The following PITRM1 variants were observed in gnomAD, a reference collection of about 807,000 sequenced individuals.
PITRM1 encodes presequence protease, mitochondrial.
Under a neutral mutation model 129.9 loss-of-function variants are expected in PITRM1, and 100 were observed. The ratio of observed to expected loss-of-function variants is 0.77; its 90% CI spans 0.65 to 0.91. PITRM1 has a LOEUF of 0.91. Ranked by LOEUF, PITRM1 falls within the 40% of genes least tolerant of loss-of-function variation. The probability of loss-of-function intolerance (pLI) is 0.00; values close to 1 mark genes in which losing one functional copy is unlikely to be tolerated. For missense variants in PITRM1, 1,471 were observed against 1,318.3 expected (o/e 1.12, Z -1.79); for synonymous variants, 591 against 508.8 (o/e 1.16, Z -2.17).
At chr10:3,155,364 C>T (rs937306640) in intron 14 of PITRM1, among the ~76,000 whole-genome samples, 1 of 152,224 alleles carries the variant, frequency 6.6e-6, no homozygotes, top group Admixed American at 6.5e-5. Flanking sequence ...AAAATAAATA[C>T]ATCTTTTCAA....
chr10:3,155,474 G>A (rs1027342561), intron 14 of PITRM1, 117 bp downstream of exon 14: 19 of 1,287,400 alleles, frequency 1.5e-5, no homozygotes, highest in Middle Eastern at 2.7e-4. Context: ...CTCTGTTGGC[G>A]CCCAGCGGAC....
intron 14 of PITRM1, 49 bp downstream of exon 14, chr10:3,155,542 G>A: frequency 6.2e-7 from 1 of 1,607,844 alleles, no homozygotes; most frequent in Non-Finnish European, 8.5e-7. Flanking sequence ...AAGTCCACTA[G>A]GCCCGAGTGC....
At chr10:3,155,443 AC>A in intron 14 of PITRM1, 147 bp downstream of exon 14, 1 of 893,268 alleles carries the variant, frequency 1.1e-6, no homozygotes, top group Non-Finnish European at 1.7e-6. Context: ...GAATATCTGA[AC>A]TCAATGCATC....
rs190673909 is a variant in PITRM1 at position 3,158,211 on chromosome 10, G to A, written c.1137-58C>T. 3.4e-4 allele frequency: 316 copies of A among 920,736 alleles called. No homozygotes were observed. In the East Asian group the frequency reaches 7.3e-3, roughly 21 times the overall value. The allele number at this position is 920,736 out of a possible 1,614,324, so 57.0% of individuals were successfully genotyped here. ...ATCCGGGCACGTTCATCATGCCCTC[G>A]TAATATGCTTGATTTAAAGATCAGA... On this transcript the variant is annotated intron_variant, in intron 10 of 26. Transcript: ENST00000224949.
chr10:3,160,283 ATT>A lies in PITRM1; in HGVS notation c.837_838del (p.Gln279HisfsTer13). On this transcript the variant is annotated frameshift_variant, in exon 8 of 27. Coordinates refer to ENST00000224949, the MANE Select transcript of PITRM1 (RefSeq NM_014889.4). LOFTEE classifies it high-confidence loss of function. The stretch of plus-strand genomic sequence containing the variant: ...GAATTTGCTCAGTGCTTCCTCGTGA[ATT>A]TGTTTCAGATGCTGTTCTAATGGAA... 6.2e-7 allele frequency: 1 copy of A among 1,613,480 alleles called. No homozygotes were observed. Among genetic ancestry groups the A allele is most frequent in the African/African-American group, 1.3e-5 (1 of 75,016 alleles).
At chr10:3,169,333 C>T (rs1008108562) in intron 2 of PITRM1, among the ~76,000 whole-genome samples, 2 of 152,180 alleles carry the variant, frequency 1.3e-5, no homozygotes, top group Admixed American at 6.5e-5. Flanking sequence ...AAGGCAGCCA[C>T]GTTCTCACAC....
At position 3,138,558 on chromosome 10, in the gene PITRM1, G is replaced by C. The variant is rs974805745; in HGVS notation, c.2918-221C>G. ...CGCCTGCTTCTGCAGCAGGGATGCAGTCAGCGCCGCGTGAGGCTGATGATG... is the reference window on the plus strand; with the variant it reads ...CGCCTGCTTCTGCAGCAGGGATGCACTCAGCGCCGCGTGAGGCTGATGATG... On this transcript the variant is annotated intron_variant, in intron 25 of 26. Coordinates refer to ENST00000224949, the MANE Select transcript of PITRM1 (RefSeq NM_014889.4). 7 of 608,678 alleles carry C rather than the reference G, an allele frequency of 1.2e-5. No individual in the cohort carries two copies. The African/African-American group carries it at 1.3e-4, about 11-fold the overall frequency. 37.7% of individuals were successfully genotyped at this position (608,678 alleles called of 1,614,324 possible).
chr10:3,156,997 GCTAA>G lies in PITRM1; in HGVS notation c.1411_1414del (p.Ala472AsnfsTer17). The G allele has an allele frequency of 6.2e-7, 1 of 1,610,590 alleles. No individual in the cohort carries two copies. The highest frequency in any genetic ancestry group is 8.5e-7 in the Non-Finnish European group (1 of 1,178,832). On this transcript the variant is annotated frameshift_variant, in exon 13 of 27. Transcript: ENST00000224949. LOFTEE classifies it high-confidence loss of function. ...TTCCTGCAGGCACTGTCTGAATTTA[GCTAA>G]CTGATTTCCCAACTTCAAGAGCTCC...
chr10:3,145,076 A>G (rs1840711093), intron 21 of PITRM1: 1 of 153,990 alleles, frequency 6.5e-6, no homozygotes, highest in Non-Finnish European at 1.4e-5. Context: ...CACATCCAGA[A>G]TTGAACCAGG....
intron 14 of PITRM1, among the ~76,000 whole-genome samples, chr10:3,153,927 T>C (rs1841746648): frequency 1.3e-5 from 2 of 152,182 alleles, no homozygotes; most frequent in African/African-American, 4.8e-5. Flanking sequence ...AGCAATAATA[T>C]TCACAATTTT....
chr10:3,156,062 A>G (rs550488657), intron 13 of PITRM1, among the ~76,000 whole-genome samples: 7 of 152,328 alleles, frequency 4.6e-5, no homozygotes, highest in African/African-American at 1.7e-4. Flanking sequence ...TTGCACTTTC[A>G]AGTACTACAG....
At chr10:3,143,162 CAAT>C (rs963536224) in intron 23 of PITRM1, 10 of 558,018 alleles carry the variant, frequency 1.8e-5, no homozygotes, top group East Asian at 3.1e-5. Flanking sequence ...TAGGACTCCT[CAAT>C]AATAGAAATT....
intron 2 of PITRM1, among the ~76,000 whole-genome samples, chr10:3,168,693 C>T (rs1052313683): frequency 2.0e-5 from 3 of 152,186 alleles, no homozygotes; most frequent in African/African-American, 7.2e-5. Context: ...TCCCCTGCCG[C>T]CCTGTGAAGA....
At chr10:3,155,790 A>G (rs1399378961) in intron 13 of PITRM1, 61 bp from the exon 14 acceptor site, 25 of 1,576,514 alleles carry the variant, frequency 1.6e-5, no homozygotes, top group Non-Finnish European at 2.2e-5. Context: ...ATATCCTAAC[A>G]CTCAACAAGC....
chr10:3,168,679 T>C (rs557904291), intron 2 of PITRM1, among the ~76,000 whole-genome samples: 59 of 152,266 alleles, frequency 3.9e-4, no homozygotes, highest in African/African-American at 1.4e-3. Flanking sequence ...TGATCCTCAT[T>C]CTCTCCCCTG....
intron 4 of PITRM1, 75 bp downstream of exon 4, chr10:3,166,154 T>A: frequency 7.6e-7 from 1 of 1,323,152 alleles, no homozygotes; most frequent in Non-Finnish European, 1.0e-6. Flanking sequence ...TCATTCCTTC[T>A]CAGAAACTAA....
At chr10:3,142,551 A>T (rs779182303) in intron 23 of PITRM1, among the ~76,000 whole-genome samples, 1 of 152,244 alleles carries the variant, frequency 6.6e-6, no homozygotes, top group African/African-American at 2.4e-5. Flanking sequence ...CACGTCTGTG[A>T]GTCTGTCCTG....
At chr10:3,141,099 G>A (rs1840147400) in intron 23 of PITRM1, among the ~76,000 whole-genome samples, 3 of 152,148 alleles carry the variant, frequency 2.0e-5, no homozygotes, top group South Asian at 2.1e-4. Context: ...GTGCCACCAC[G>A]CCTGACTATT....
intron 4 of PITRM1, among the ~76,000 whole-genome samples, 165 bp from the exon 5 acceptor site, chr10:3,165,692 G>T (rs927008148): frequency 1.3e-5 from 2 of 152,206 alleles, no homozygotes; most frequent in African/African-American, 4.8e-5. Flanking sequence ...AGCTGTCCCA[G>T]CTCATAACCC....
Sources: allele counts gnomAD v4.1 joint callset (sites outside exome capture counted in the v4.1 genomes callset), GRCh38; gene constraint gnomAD v4.1.1; transcripts MANE v1.5; gene names NCBI Gene and HGNC (gene_info 2026-07-23, HGNC 2026-07-21).